TRIB2: variants seen among roughly 807,000 people sequenced by gnomAD.
TRIB2 encodes the protein tribbles homolog 2.
TRIB2 carries 2 observed loss-of-function variants against 26.8 expected under a neutral mutation model. That is an observed-to-expected ratio of 0.07 (90% CI 0.03 to 0.24). The LOEUF (loss-of-function observed/expected upper bound fraction) is 0.24. Among genes scored for constraint, TRIB2 ranks in the 10% least tolerant of loss-of-function variants. TRIB2 has a pLI of 1.00. For synonymous variants in TRIB2, 189 were observed against 187.3 expected (o/e 1.01, Z -0.08); for missense variants, 306 against 449.0 (o/e 0.68, Z 2.88).
intron 2 of TRIB2, among the ~76,000 whole-genome samples, chr2:12,733,634 T>C (rs1661503759): frequency 1.3e-5 from 2 of 152,186 alleles, no homozygotes; most frequent in African/African-American, 2.4e-5. Flanking sequence ...GCTTCACACA[T>C]AGTTTCTATT....
chr2:12,718,892 CG>C lies in TRIB2; in HGVS notation c.270+322del, dbSNP rs917064481. ...CTGCGCGAGGCCGGGTCCCGCTGCC[CG>C]GGGGGGATTTCTTCCTGTGTCTAGC... On this transcript the variant is annotated intron_variant, in intron 1 of 2. Transcript: ENST00000155926. This position sits in a 1 kb window ranked among gnomAD's most constrained non-coding sequence, Gnocchi z 4.0. Among the ~76,000 whole-genome samples the C allele has an allele frequency of 1.1e-4, 17 of 151,942 alleles. No individual in the cohort carries two copies. The highest frequency in any genetic ancestry group is 2.4e-4 in the Non-Finnish European group (16 of 67,946).
chr2:12,718,142 C>A lies in TRIB2; in HGVS notation c.-166C>A, dbSNP rs902160044. ...GGAGCAGACGAGGTATCCGGCGGCG[C>A]CCATTTGGGGGCTTCTAACTCTTTC... On this transcript the variant is annotated 5_prime_UTR_variant, in exon 1 of 3. Coordinates refer to ENST00000155926, the MANE Select transcript of TRIB2 (RefSeq NM_021643.4). The surrounding 1 kb of genome is among the most constrained non-coding windows in gnomAD (Gnocchi z 4.0). 9 of 982,884 alleles carry A rather than the reference C, an allele frequency of 9.2e-6. No homozygotes were observed. Among genetic ancestry groups the A allele is most frequent in the Non-Finnish European group, 1.3e-5 (9 of 691,328 alleles). The allele number at this position is 982,884 out of a possible 1,614,324, so 60.9% of individuals were successfully genotyped here.
At position 12,717,249 on chromosome 2, in the gene TRIB2, C is replaced by T. The variant is rs1666611235; in HGVS notation, c.-1059C>T. ...GAGACGGGGTGATTGCAAATTATTCCAGGACGAGATCCAGTTCTCCAGCGG... is the reference window on the plus strand; with the variant it reads ...GAGACGGGGTGATTGCAAATTATTCTAGGACGAGATCCAGTTCTCCAGCGG... On this transcript the variant is annotated 5_prime_UTR_variant, in exon 1 of 3. Coordinates refer to ENST00000155926, the MANE Select transcript of TRIB2 (RefSeq NM_021643.4). This position sits in a 1 kb window ranked among gnomAD's most constrained non-coding sequence, Gnocchi z 4.8. 2 of 397,534 alleles carry T rather than the reference C, an allele frequency of 5.0e-6. No individual in the cohort carries two copies. Among genetic ancestry groups the T allele is most frequent in the Non-Finnish European group, 8.9e-6 (2 of 225,734 alleles). 24.6% of individuals were successfully genotyped at this position (397,534 alleles called of 1,614,324 possible). A position where few individuals can be genotyped will look rare whatever the true frequency, so the allele number is the denominator to read the frequency against.
intron 1 of TRIB2, among the ~76,000 whole-genome samples, chr2:12,720,930 T>A (rs1051563122): frequency 6.6e-6 from 1 of 151,928 alleles, no homozygotes; most frequent in Non-Finnish European, 1.5e-5. Flanking sequence ...AATGGGTACT[T>A]TTTTTTTGCA....
Position 12,717,218 on chromosome 2 carries a change from T to G in TRIB2, c.-1090T>G. 1 of 395,226 alleles carries G rather than the reference T, an allele frequency of 2.5e-6. No individual in the cohort carries two copies. The highest frequency in any genetic ancestry group is 4.5e-6 in the Non-Finnish European group (1 of 224,584). 24.5% of individuals were successfully genotyped at this position (395,226 alleles called of 1,614,324 possible). A position where few individuals can be genotyped will look rare whatever the true frequency, so the allele number is the denominator to read the frequency against. On this transcript the variant is annotated 5_prime_UTR_variant, in exon 1 of 3. Transcript: ENST00000155926. This position sits in a 1 kb window ranked among gnomAD's most constrained non-coding sequence, Gnocchi z 4.8. The stretch of plus-strand genomic sequence containing the variant: ...CCCACCGGGCAATTTGGTCTCGGGG[T>G]AGGGGGAGACGGGGTGATTGCAAAT...
In TRIB2 at chr2:12,718,764, G is replaced by T. The variant is rs990886289; in HGVS notation, c.270+187G>T. On this transcript the variant is annotated intron_variant, in intron 1 of 2. Coordinates refer to ENST00000155926, the MANE Select transcript of TRIB2 (RefSeq NM_021643.4). This position sits in a 1 kb window ranked among gnomAD's most constrained non-coding sequence, Gnocchi z 4.0. ...TTTTTAGACCGTTTCAGACAATGGG[G>T]CGGGCGGCAGTGGGGGCGTTTCGGG... Among the ~76,000 whole-genome samples the T allele has an allele frequency of 1.3e-5, 2 of 152,202 alleles. No individual in the cohort carries two copies. The highest frequency in any genetic ancestry group is 6.5e-5 in the Admixed American group (1 of 15,286).
intron 2 of TRIB2, chr2:12,724,929 C>CTT (rs1661305982): frequency 2.1e-6 from 3 of 1,442,996 alleles, no homozygotes; most frequent in African/African-American, 1.4e-5. Flanking sequence ...TTAATAACTG[C>CTT]ACCTACAAAA....
chr2:12,719,949 C>T (rs1177121033), intron 1 of TRIB2, among the ~76,000 whole-genome samples: 1 of 152,190 alleles, frequency 6.6e-6, no homozygotes, highest in African/African-American at 2.4e-5. Flanking sequence ...CAGAAGTCTG[C>T]AAGGTTGCAC....
intron 1 of TRIB2, among the ~76,000 whole-genome samples, chr2:12,719,691 C>G (rs1264097007): frequency 6.6e-6 from 1 of 151,790 alleles, no homozygotes; most frequent in Non-Finnish European, 1.5e-5. Context: ...CCATTCACCA[C>G]AGACTACTTT....
chr2:12,740,826 A>C lies in TRIB2; in HGVS notation c.*32A>C, dbSNP rs771677491. On this transcript the variant is annotated 3_prime_UTR_variant, in exon 3 of 3. Transcript: ENST00000155926. The surrounding 1 kb of genome is among the most constrained non-coding windows in gnomAD (Gnocchi z 5.8). ...GCCCCACGGAGACTTAGCAGGTTCC[A>C]GGAGTGAGCGAGGGCAGCGGAAAGG... 1.9e-6 allele frequency: 3 copies of C among 1,589,452 alleles called. No homozygotes were observed. The highest frequency in any genetic ancestry group is 1.7e-6 in the Non-Finnish European group (2 of 1,164,444).
At chr2:12,719,077 G>C (rs1172092999) in intron 1 of TRIB2, among the ~76,000 whole-genome samples, 1 of 152,176 alleles carries the variant, frequency 6.6e-6, no homozygotes, top group Non-Finnish European at 1.5e-5. Flanking sequence ...CCCTTCGGCT[G>C]AGCCCAGGGG....
intron 2 of TRIB2, among the ~76,000 whole-genome samples, chr2:12,725,363 G>A (rs923592941): frequency 7.2e-5 from 11 of 152,198 alleles, no homozygotes; most frequent in East Asian, 1.9e-4. Flanking sequence ...AAGTGGACCC[G>A]GAGGTTGCAT....
intron 2 of TRIB2, among the ~76,000 whole-genome samples, chr2:12,727,615 GCTT>G (rs1328113045): frequency 6.6e-6 from 1 of 152,184 alleles, no homozygotes; most frequent in African/African-American, 2.4e-5. Context: ...GCCTGAATCA[GCTT>G]CTGTGTTGCA....
chr2:12,727,666 G>A (rs1661365101), intron 2 of TRIB2, among the ~76,000 whole-genome samples: 1 of 152,108 alleles, frequency 6.6e-6, no homozygotes, highest in Non-Finnish European at 1.5e-5. Context: ...TCCCAGGGAT[G>A]TTTGTGCAGG....
In TRIB2 at chr2:12,740,701, C is replaced by T. The variant is rs150722548; in HGVS notation, c.939C>T (p.Ser313=). 1.1e-3 allele frequency: 1,707 copies of T among 1,614,142 alleles called. 1 individual carries two copies. The highest frequency in any genetic ancestry group is 1.3e-3 in the Non-Finnish European group (1,540 of 1,180,038). Residue 313 remains serine, a synonymous_variant, in exon 3 of 3, where the codon AGC becomes AGT. Transcript: ENST00000155926. This position sits in a 1 kb window ranked among gnomAD's most constrained non-coding sequence, Gnocchi z 5.8. ...LDHPWFSTDF[S]VSNSAYGAKE... is the part of the protein sequence containing the mutation. ...ATCCTTGGTTTTCTACAGATTTTAG[C>T]GTCTCGAATTCAGCATATGGTGCTA...
At chr2:12,734,112 A>G (rs1460993390) in intron 2 of TRIB2, among the ~76,000 whole-genome samples, 2 of 152,222 alleles carry the variant, frequency 1.3e-5, no homozygotes, top group African/African-American at 4.8e-5. Context: ...TGCCAGGCAC[A>G]GTTTGCAAAA....
intron 1 of TRIB2, among the ~76,000 whole-genome samples, chr2:12,721,790 C>T (rs1661226219): frequency 6.6e-6 from 1 of 152,166 alleles, no homozygotes; most frequent in Non-Finnish European, 1.5e-5. Context: ...GTTTTACATC[C>T]CTGTTTGACT....
chr2:12,724,824 A>G (rs1661303479), intron 2 of TRIB2: 1 of 1,611,482 alleles, frequency 6.2e-7, no homozygotes, highest in Non-Finnish European at 8.5e-7. Flanking sequence ...TGCTTCTTTG[A>G]ATATTCTCAT....
intron 1 of TRIB2, among the ~76,000 whole-genome samples, chr2:12,719,646 C>T (rs1000380745): frequency 2.0e-5 from 3 of 147,760 alleles, no homozygotes; most frequent in African/African-American, 7.6e-5. Context: ...GGTCACTGGG[C>T]ACGGTTGTGC....
Sources: gnomAD v4.1 joint callset for allele counts (sites outside exome capture counted in the v4.1 genomes callset) on GRCh38, gnomAD v4.1.1 for gene constraint, Gnocchi (gnomAD v3.1) non-coding constraint, MANE v1.5 for transcripts, NCBI Gene and HGNC (gene_info 2026-07-23, HGNC 2026-07-21) for gene names.